The following PRELID2 variants were observed in gnomAD, a reference collection of about 807,000 sequenced individuals.
PRELID2 encodes PRELI domain-containing protein 2.
Under a neutral mutation model 28.4 loss-of-function variants are expected in PRELID2, and 25 were observed. The ratio of observed to expected loss-of-function variants is 0.88; its 90% CI spans 0.64 to 1.23. The LOEUF (loss-of-function observed/expected upper bound fraction) is 1.23. Among genes scored for constraint, PRELID2 ranks in the 50% most tolerant of loss-of-function variants. The pLI is 0.00. For synonymous variants in PRELID2, 76 were observed against 71.6 expected, an observed-to-expected ratio of 1.06 and a Z score of -0.31; for missense variants, 201 against 214.4, an observed-to-expected ratio of 0.94 and a Z score of 0.39.
At chr5:145,689,176 G>T (rs539384698) in intron 1 of PRELID2, among the ~76,000 whole-genome samples, 1 of 152,286 alleles carries the variant, frequency 6.6e-6, no homozygotes, top group Admixed American at 6.5e-5. Flanking sequence ...TGCCTGGCTG[G>T]TGCTTATTTC....
chr5:145,820,117 T>G (rs1171130454), intron 2 of PRELID2, 99 bp from the exon 3 acceptor site: 13 of 423,894 alleles, frequency 3.1e-5, no homozygotes, highest in South Asian at 7.9e-5. Flanking sequence ...TTGTTTTTTG[T>G]TTTTTGTTTT....
chr5:145,496,705 G>A (rs904579447), intron 1 of PRELID2, among the ~76,000 whole-genome samples: 1 of 152,072 alleles, frequency 6.6e-6, no homozygotes, highest in African/African-American at 2.4e-5. Flanking sequence ...ATGGTCTGAG[G>A]TTTCTCCTTC....
At chr5:145,630,987 A>T (rs1263312232) in intron 1 of PRELID2, among the ~76,000 whole-genome samples, 1 of 152,108 alleles carries the variant, frequency 6.6e-6, no homozygotes, top group Non-Finnish European at 1.5e-5. Flanking sequence ...TTTCTCTAGG[A>T]CTCAACTTTC....
intron 1 of PRELID2, among the ~76,000 whole-genome samples, chr5:145,540,191 T>C (rs189619404): frequency 6.6e-6 from 1 of 152,124 alleles, no homozygotes; most frequent in Non-Finnish European, 1.5e-5. Context: ...GCTTTAAAAT[T>C]CTGCAATTTG....
At chr5:145,834,965 A>T in intron 1 of PRELID2, 1 of 459,566 alleles carries the variant, frequency 2.2e-6, no homozygotes, top group Non-Finnish European at 3.9e-6. Context: ...CAGCTGGGGC[A>T]GGTGTGAACG....
chr5:145,500,282 T>C (rs985772356), intron 1 of PRELID2, among the ~76,000 whole-genome samples: 1 of 152,092 alleles, frequency 6.6e-6, no homozygotes, highest in Non-Finnish European at 1.5e-5. Flanking sequence ...TTTAAAAGTG[T>C]GTAGCACCTC....
At chr5:145,806,011 C>T (rs1393185330) in intron 4 of PRELID2, among the ~76,000 whole-genome samples, 1 of 152,126 alleles carries the variant, frequency 6.6e-6, no homozygotes, top group Non-Finnish European at 1.5e-5. Flanking sequence ...GGTCACTCTG[C>T]ATAAGTCAGT....
At chr5:145,602,984 G>A (rs1172743652) in intron 1 of PRELID2, among the ~76,000 whole-genome samples, 4 of 152,038 alleles carry the variant, frequency 2.6e-5, no homozygotes, top group African/African-American at 7.2e-5. Context: ...CCCAGGAGGC[G>A]GAGGTTGCAG....
At chr5:145,409,784 T>C in the PRELID2 span, among the ~76,000 whole-genome samples, 4 of 148,442 alleles carry the variant, frequency 2.7e-5, no homozygotes, top group African/African-American at 9.9e-5. Context: ...AGAGACATTA[T>C]ATAATGATTA....
the PRELID2 span, among the ~76,000 whole-genome samples, chr5:145,443,140 G>A: frequency 6.6e-6 from 1 of 152,014 alleles, no homozygotes; most frequent in African/African-American, 2.4e-5. Context: ...TCTGCAGGAG[G>A]AAACACATTA....
intron 1 of PRELID2, among the ~76,000 whole-genome samples, chr5:145,733,939 A>G (rs1433499788): frequency 6.6e-6 from 1 of 152,110 alleles, no homozygotes; most frequent in Non-Finnish European, 1.5e-5. Flanking sequence ...CCCTTATAAA[A>G]GAGAAGTGGA....
chr5:145,455,321 T>A, the PRELID2 span, among the ~76,000 whole-genome samples: 10 of 152,320 alleles, frequency 6.6e-5, no homozygotes, highest in Admixed American at 4.6e-4. Context: ...ATATATCTGT[T>A]TTGGTACCGG....
At chr5:145,761,085 G>A (rs565895686) in intron 6 of PRELID2, among the ~76,000 whole-genome samples, 9 of 152,114 alleles carry the variant, frequency 5.9e-5, no homozygotes, top group East Asian at 5.8e-4. Context: ...AGTGTAGAAC[G>A]TAGTCACTTT....
the PRELID2 span, among the ~76,000 whole-genome samples, chr5:145,415,488 A>T: frequency 7.6e-6 from 1 of 130,998 alleles, no homozygotes; most frequent in African/African-American, 2.9e-5. Context: ...TGTCCATGTG[A>T]TCTCATTGTT....
intron 1 of PRELID2, among the ~76,000 whole-genome samples, chr5:145,672,231 G>A (rs1260275096): frequency 6.6e-6 from 1 of 152,074 alleles, no homozygotes; most frequent in African/African-American, 2.4e-5. Flanking sequence ...ATAGAAGGGG[G>A]AAATAGTGAA....
intron 1 of PRELID2, among the ~76,000 whole-genome samples, chr5:145,555,464 A>C (rs1040167402): frequency 6.6e-6 from 1 of 152,186 alleles, no homozygotes; most frequent in Non-Finnish European, 1.5e-5. Context: ...TACGTATAAC[A>C]CTTTTCCTAG....
the PRELID2 span, among the ~76,000 whole-genome samples, chr5:145,263,582 A>G: frequency 7.9e-5 from 12 of 152,050 alleles, no homozygotes; most frequent in African/African-American, 2.9e-4. Flanking sequence ...TTGATAGACC[A>G]TTAGCAAAAT....
chr5:145,537,230 G>A lies in PRELID2; in HGVS notation n.71-63915C>T, dbSNP rs531335621. Among the ~76,000 whole-genome samples the A allele has an allele frequency of 1.7e-3, 252 of 151,918 alleles. 1 individual carries two copies. The highest frequency in any genetic ancestry group is 3.1e-3 in the Non-Finnish European group (212 of 67,828). On this transcript the variant is annotated intron_variant and non_coding_transcript_variant, in intron 1 of 2. Coordinates refer to the PRELID2 transcript ENST00000510259. ...CACAAAGGACCCCAAGTACCTTGTG[G>A]GAGAAGAAATGAAGAAAGGGAACCA...
chr5:145,757,965 G>T lies in PRELID2; in HGVS notation c.*2571C>A, dbSNP rs1443846231. ...GAGGAGGAAGATACATCTAAAAGTA[G>T]TCTTAGAGGAGAGGCAGAATAAAAC... On this transcript the variant is annotated 3_prime_UTR_variant, in exon 7 of 7. Transcript: ENST00000683046. Among the ~76,000 whole-genome samples, 2 of 152,118 alleles carry T rather than the reference G, an allele frequency of 1.3e-5. No individual in the cohort carries two copies. Among genetic ancestry groups the T allele is most frequent in the African/African-American group, 4.8e-5 (2 of 41,442 alleles).
Sources: gnomAD v4.1 joint callset for allele counts (sites outside exome capture counted in the v4.1 genomes callset) on GRCh38, gnomAD v4.1.1 for gene constraint, MANE v1.5 for transcripts, NCBI Gene and HGNC (gene_info 2026-07-23, HGNC 2026-07-21) for gene names.